DYNC1I1: variants seen among roughly 807,000 people sequenced by gnomAD.
DYNC1I1 encodes dynein cytoplasmic 1 intermediate chain 1.
A neutral mutation model predicts 86.6 loss-of-function variants in DYNC1I1; 43 were observed. That is an observed-to-expected ratio of 0.50 (90% CI 0.39 to 0.64). DYNC1I1 has a LOEUF of 0.64. DYNC1I1 is among the 30% of genes least tolerant of loss of function. The probability of loss-of-function intolerance (pLI) is 0.00; values close to 1 mark genes in which losing one functional copy is unlikely to be tolerated. For missense variants in DYNC1I1, 604 were observed against 788.8 expected (o/e 0.77, Z 2.81); for synonymous variants, 262 against 283.7 (o/e 0.92, Z 0.77).
intron 1 of DYNC1I1, among the ~76,000 whole-genome samples, chr7:95,802,196 G>GT (rs1021886419): frequency 6.6e-6 from 1 of 152,082 alleles, no homozygotes; most frequent in Admixed American, 6.6e-5. Context: ...GCTGCAAGGA[G>GT]TTTTTTCACC....
chr7:95,777,798 G>A (rs1464942327), intron 1 of DYNC1I1, among the ~76,000 whole-genome samples: 1 of 152,058 alleles, frequency 6.6e-6, no homozygotes, highest in Non-Finnish European at 1.5e-5. Context: ...CCTGGTAACC[G>A]TTCCAGTGTG....
chr7:95,881,952 A>G (rs111907759), intron 6 of DYNC1I1, among the ~76,000 whole-genome samples: 60 of 152,222 alleles, frequency 3.9e-4, no homozygotes, highest in African/African-American at 1.4e-3. Flanking sequence ...TTTGCCTTGC[A>G]CATTGCTACC....
intron 6 of DYNC1I1, among the ~76,000 whole-genome samples, chr7:95,892,744 G>A (rs1007675939): frequency 4.6e-5 from 7 of 152,096 alleles, no homozygotes; most frequent in Non-Finnish European, 8.8e-5. Flanking sequence ...ACCGCACCTG[G>A]CCCTGTAACT....
intron 5 of DYNC1I1, 58 bp downstream of exon 5, chr7:95,828,174 A>C: frequency 6.3e-7 from 1 of 1,590,970 alleles, no homozygotes; most frequent in Non-Finnish European, 8.6e-7. Flanking sequence ...GTTGTGTTGA[A>C]ATGCTGGAGC....
chr7:95,865,504 A>C (rs1006206840), intron 5 of DYNC1I1, among the ~76,000 whole-genome samples: 1 of 152,178 alleles, frequency 6.6e-6, no homozygotes, highest in Non-Finnish European at 1.5e-5. Flanking sequence ...AGGGTATGGC[A>C]TAAATTAGTA....
intron 14 of DYNC1I1, among the ~76,000 whole-genome samples, chr7:96,042,080 T>C (rs1789068520): frequency 6.6e-6 from 1 of 152,198 alleles, no homozygotes; most frequent in African/African-American, 2.4e-5. Context: ...TTAAGGATTT[T>C]TTTAAACTAC....
At chr7:95,968,119 C>T (rs1548399) in intron 6 of DYNC1I1, among the ~76,000 whole-genome samples, 59,514 of 150,498 alleles carry the variant, frequency 0.4, 12,450 homozygotes, top group Non-Finnish European at 0.47. Context: ...CAAGAGTAGG[C>T]GTGGAAAGAG....
chr7:95,987,509 A>G (rs1018737932), intron 9 of DYNC1I1, among the ~76,000 whole-genome samples: 1 of 152,120 alleles, frequency 6.6e-6, no homozygotes, highest in Non-Finnish European at 1.5e-5. Flanking sequence ...GCCTATAGAA[A>G]CATCCTCTTT....
At chr7:95,859,592 C>T (rs938538348) in intron 5 of DYNC1I1, among the ~76,000 whole-genome samples, 60 of 151,758 alleles carry the variant, frequency 4.0e-4, no homozygotes, top group African/African-American at 1.4e-3. Flanking sequence ...GCGGCTTCAG[C>T]AGGCTGAAAG....
intron 6 of DYNC1I1, among the ~76,000 whole-genome samples, chr7:95,962,722 C>T (rs1792903964): frequency 6.6e-6 from 1 of 152,148 alleles, no homozygotes; most frequent in South Asian, 2.1e-4. Flanking sequence ...AGCTGAAGAA[C>T]TTATTGTTTA....
intron 2 of DYNC1I1, among the ~76,000 whole-genome samples, chr7:95,806,147 A>G (rs1794695983): frequency 6.6e-6 from 1 of 152,206 alleles, no homozygotes; most frequent in Admixed American, 6.5e-5. Context: ...CAAAGTCAAA[A>G]AAAGCATTAA....
chr7:96,087,991 G>A (rs1790732517), intron 16 of DYNC1I1, among the ~76,000 whole-genome samples: 1 of 152,048 alleles, frequency 6.6e-6, no homozygotes, highest in South Asian at 2.1e-4. Context: ...TCTGGGAAAA[G>A]TGCTTAATTT....
intron 1 of DYNC1I1, among the ~76,000 whole-genome samples, chr7:95,786,914 G>A (rs1205620514): frequency 6.6e-6 from 1 of 152,142 alleles, no homozygotes; most frequent in Non-Finnish European, 1.5e-5. Flanking sequence ...ACACACTCGT[G>A]CTGAAAATAA....
At chr7:95,881,833 T>C (rs1562932013) in intron 6 of DYNC1I1, among the ~76,000 whole-genome samples, 1 of 152,234 alleles carries the variant, frequency 6.6e-6, no homozygotes, top group Non-Finnish European at 1.5e-5. Flanking sequence ...GTCAGGCATA[T>C]GGTCATGCAT....
chr7:95,990,003 G>C (rs1584231014), intron 9 of DYNC1I1, among the ~76,000 whole-genome samples: 1 of 152,196 alleles, frequency 6.6e-6, no homozygotes, highest in Non-Finnish European at 1.5e-5. Flanking sequence ...TGTGTGTCTA[G>C]GATGATTTCC....
At chr7:96,018,151 C>T (rs1794446635) in intron 10 of DYNC1I1, among the ~76,000 whole-genome samples, 1 of 152,218 alleles carries the variant, frequency 6.6e-6, no homozygotes, top group South Asian at 2.1e-4. Context: ...AGGGAGCCCA[C>T]AAGCCCTCTC....
intron 14 of DYNC1I1, among the ~76,000 whole-genome samples, chr7:96,042,980 T>G (rs1789098823): frequency 6.6e-6 from 1 of 151,568 alleles, no homozygotes; most frequent in African/African-American, 2.4e-5. Flanking sequence ...CCCAACATAG[T>G]GAATGCTTAT....
rs1414615402 is a variant in DYNC1I1, at chr7:96,044,449, T to A, written c.1509+5028T>A. Among the ~76,000 whole-genome samples, 4 of 152,120 alleles carry A rather than the reference T, an allele frequency of 2.6e-5. No homozygotes were observed. The East Asian group carries it at 7.7e-4, about 29-fold the overall frequency. On this transcript the variant is annotated intron_variant, in intron 14 of 16. Coordinates refer to ENST00000447467, the MANE Select transcript of DYNC1I1 (RefSeq NM_001135556.2). ...AAGAAAGCATTAAAATCAAGATGTT[T>A]TCTTTCCTTTTTTTTTTTCTTCTTG...
At chr7:95,851,042 TCCTCCTGCCTCAG>T (rs1789564134) in intron 5 of DYNC1I1, among the ~76,000 whole-genome samples, 1 of 152,070 alleles carries the variant, frequency 6.6e-6, no homozygotes, top group Non-Finnish European at 1.5e-5. Flanking sequence ...CCTCCTGCGA[TCCTCCTGCCTCAG>T]CCTGCCGTGC....
Sources: gnomAD v4.1 joint callset for allele counts (sites outside exome capture counted in the v4.1 genomes callset) on GRCh38, gnomAD v4.1.1 for gene constraint, MANE v1.5 for transcripts, NCBI Gene and HGNC (gene_info 2026-07-23, HGNC 2026-07-21) for gene names.